The following HEPH variants were observed in gnomAD, a reference collection of about 807,000 sequenced individuals.
HEPH encodes the protein hephaestin.
Under a neutral mutation model 80.8 loss-of-function variants are expected in HEPH, and 69 were observed. The ratio of observed to expected loss-of-function variants is 0.85; its 90% CI spans 0.70 to 1.04. The LOEUF (loss-of-function observed/expected upper bound fraction) is 1.04, where lower values mean the gene tolerates loss of function less well. Among genes scored for constraint, HEPH ranks in the 50% least tolerant of loss-of-function variants. The pLI is 0.00. For synonymous variants in HEPH, 431 were observed against 322.8 expected (o/e 1.34, Z -3.60); for missense variants, 1,115 against 891.3 (o/e 1.25, Z -3.20).
intron 15 of HEPH, among the ~76,000 whole-genome samples, chrX:66,216,753 G>A (rs773707225): frequency 1.3e-4 from 14 of 111,710 alleles, no homozygotes; most frequent in Admixed American, 4.7e-4. Flanking sequence ...AAATCAGAAG[G>A]TAGACTATTA....
intron 1 of HEPH, among the ~76,000 whole-genome samples, chrX:66,167,231 C>T (rs1037499132): frequency 8.9e-6 from 1 of 111,825 alleles, no homozygotes; most frequent in Admixed American, 9.5e-5. Context: ...CTCTCAAGAT[C>T]TTGAGAATTA....
chrX:66,245,285 A>T (rs1258820212), intron 15 of HEPH, among the ~76,000 whole-genome samples: 1 of 111,399 alleles, frequency 9.0e-6, no homozygotes, highest in Admixed American at 9.5e-5. Context: ...ATGGAGGAAG[A>T]TCTACCAAGC....
intron 15 of HEPH, among the ~76,000 whole-genome samples, chrX:66,231,449 T>C (rs1193221984): frequency 9.4e-6 from 1 of 105,901 alleles, no homozygotes; most frequent in East Asian, 3.0e-4. Flanking sequence ...CTCTTTTATT[T>C]CCTTGAGCAG....
At chrX:66,173,470 G>A (rs1038447265) in intron 3 of HEPH, 119 bp from the exon 4 acceptor site, 15 of 481,162 alleles carry the variant, frequency 3.1e-5, no homozygotes, top group African/African-American at 2.2e-4. Flanking sequence ...TAGGTCATTA[G>A]CATGCTACAT....
intron 4 of HEPH, among the ~76,000 whole-genome samples, chrX:66,180,686 G>T (rs1322400671): frequency 4.9e-5 from 2 of 40,838 alleles, no homozygotes; most frequent in African/African-American, 1.2e-4. Flanking sequence ...TTGTACAGCT[G>T]TGTGAATTTT....
In HEPH at chrX:66,173,775, T is replaced by C. The variant is rs746718981; in HGVS notation, c.599T>C (p.Ile200Thr). The C allele has an allele frequency of 7.5e-6, 9 of 1,197,143 alleles. No individual in the cohort carries two copies. Among genetic ancestry groups the C allele is most frequent in the Middle Eastern group, 2.3e-4 (1 of 4,335 alleles). ...CCACGAGACATTGCAACTGGCCTAATTGGGCCTCTCATCACCTGTAAAAGA... is the reference window on the plus strand; with the variant it reads ...CCACGAGACATTGCAACTGGCCTAACTGGGCCTCTCATCACCTGTAAAAGA... ...DAPRDIATGL[I>T]GPLITCKRGA... The change falls in exon 4 of 21, where the codon ATT becomes ACT. Residue 200 changes from isoleucine (I) to threonine (T), a missense_variant. Physicochemically the swap from Ile to Thr is moderately conservative, Grantham distance 89 (BLOSUM62 -1). Around this residue, in one of 3 missense-constraint regions of HEPH, gnomAD observed 391 missense variants for 343.6 expected, o/e 1.14. Transcript: ENST00000343002.
chrX:66,207,303 G>C lies in HEPH; in HGVS notation c.2400G>C (p.Arg800Ser). 8.4e-7 allele frequency: 1 copy of C among 1,197,388 alleles called. No homozygotes were observed. Among genetic ancestry groups the C allele is most frequent in the South Asian group, 1.9e-5 (1 of 53,807 alleles). ...TDGTFRIPRP[R>S]TGPEEHLGIL... is the part of the protein sequence containing the mutation. ...GTACATTCAGGATCCCTCGGCCAAG[G>C]ACTGGACCAGAAGAACACTTGGGAA... The change falls in exon 14 of 21, where the codon AGG becomes AGC. Residue 800 changes from arginine (R) to serine (S), a missense_variant. Transcript: ENST00000343002.
At chrX:66,170,481 T>G in intron 1 of HEPH, 77 bp from the exon 2 acceptor site, 2 of 947,968 alleles carry the variant, frequency 2.1e-6, no homozygotes. Flanking sequence ...TCTTGCCTCT[T>G]CAGTTTTCTG....
At chrX:66,251,629 G>T (rs757066342) in intron 15 of HEPH, among the ~76,000 whole-genome samples, 7 of 111,129 alleles carry the variant, frequency 6.3e-5, no homozygotes, top group African/African-American at 2.3e-4. Context: ...GTCAGTCCAG[G>T]GCTCTCTGAG....
intron 15 of HEPH, among the ~76,000 whole-genome samples, chrX:66,212,406 G>A (rs995721945): frequency 1.8e-5 from 2 of 110,556 alleles, no homozygotes; most frequent in African/African-American, 6.6e-5. Flanking sequence ...TAAATTCTTT[G>A]CCTCAACCAA....
chrX:66,192,905 T>A (rs1354912714), intron 7 of HEPH, among the ~76,000 whole-genome samples: 3 of 111,110 alleles, frequency 2.7e-5, no homozygotes, highest in Non-Finnish European at 5.7e-5. Context: ...CACTGGGAAA[T>A]CGATGATGAC....
intron 4 of HEPH, among the ~76,000 whole-genome samples, chrX:66,178,284 T>G (rs1288295763): frequency 2.7e-5 from 3 of 112,571 alleles, no homozygotes; most frequent in Non-Finnish European, 5.6e-5. Flanking sequence ...TCATCCTTTT[T>G]TATGGCTGCA....
Position 66,199,024 on chromosome X carries a change from G to A in HEPH, c.1860G>A (p.Met620Ile). Residue 620 changes from methionine to isoleucine, a missense_variant, in exon 11 of 21, where the codon ATG becomes ATA. Coordinates refer to ENST00000343002, the MANE Select transcript of HEPH (RefSeq NM_001367233.3). ...DIEGFQDSNRMHAINGFLFSN... is the reference protein window; with the variant it reads ...DIEGFQDSNRIHAINGFLFSN... ...AGGGCTTCCAAGACTCCAATCGGAT[G>A]CATGGTATGGGGAGTACTTTTGCCC... The A allele has an allele frequency of 1.7e-6, 2 of 1,210,028 alleles. No individual in the cohort carries two copies. Among genetic ancestry groups the A allele is most frequent in the Non-Finnish European group, 2.2e-6 (2 of 894,204 alleles).
chrX:66,238,558 A>G (rs2090448701), intron 15 of HEPH, among the ~76,000 whole-genome samples: 1 of 111,583 alleles, frequency 9.0e-6, no homozygotes. Flanking sequence ...AAACAAACAA[A>G]CAAACAAAAG....
intron 13 of HEPH, among the ~76,000 whole-genome samples, chrX:66,206,974 G>T: frequency 9.1e-6 from 1 of 109,338 alleles, no homozygotes; most frequent in Admixed American, 9.7e-5. Flanking sequence ...CCGAGATCAT[G>T]CCATTGCACT....
At chrX:66,212,698 C>A (rs916693501) in intron 15 of HEPH, among the ~76,000 whole-genome samples, 2 of 111,615 alleles carry the variant, frequency 1.8e-5, no homozygotes, top group African/African-American at 6.5e-5. Context: ...TTATACCATG[C>A]TGTTTTGATT....
In HEPH at chrX:66,193,501, G is replaced by A; in HGVS notation, c.1233-1G>A. The A allele has an allele frequency of 1.7e-6, 2 of 1,169,470 alleles. No homozygotes were observed. The highest frequency in any genetic ancestry group is 1.2e-6 in the Non-Finnish European group (1 of 866,683). Reference sequence around the variant, plus strand: ...ATCATATTTTCCTTTTTATACATCAGTATCTCAGATAAGTTTTTCCAGAAG... The same window carrying A: ...ATCATATTTTCCTTTTTATACATCAATATCTCAGATAAGTTTTTCCAGAAG... On this transcript the variant is annotated splice_acceptor_variant, in intron 7 of 20. Transcript: ENST00000343002. LOFTEE classifies it high-confidence loss of function.
chrX:66,226,989 A>T (rs2089920161), intron 15 of HEPH, among the ~76,000 whole-genome samples: 2 of 111,551 alleles, frequency 1.8e-5, no homozygotes, highest in Admixed American at 1.9e-4. Flanking sequence ...AAAAAAAGAG[A>T]ACTACAGACC....
At chrX:66,228,664 G>T (rs1228925351) in intron 15 of HEPH, among the ~76,000 whole-genome samples, 1 of 111,168 alleles carries the variant, frequency 9.0e-6, no homozygotes, top group Middle Eastern at 4.3e-3. Flanking sequence ...AATCTACAAG[G>T]AACTCAAACA....
Sources: allele counts gnomAD v4.1 joint callset (sites outside exome capture counted in the v4.1 genomes callset), GRCh38; gene constraint gnomAD v4.1.1; regional missense constraint gnomAD v4.1.1; transcripts MANE v1.5; gene names NCBI Gene and HGNC (gene_info 2026-07-23, HGNC 2026-07-21).